Variants in ARMC2 observed in about 807,000 individuals in gnomAD.
ARMC2 encodes armadillo repeat containing 2.
Under a neutral mutation model 90.3 loss-of-function variants are expected in ARMC2, and 67 were observed. That is an observed-to-expected ratio of 0.74 (90% CI 0.61 to 0.91). The LOEUF (loss-of-function observed/expected upper bound fraction) is 0.91, where lower values mean the gene tolerates loss of function less well. Ranked by LOEUF, ARMC2 falls within the 40% of genes least tolerant of loss-of-function variation. The pLI is 0.00. For synonymous variants in ARMC2, 393 were observed against 393.0 expected (o/e 1.00, Z 0.00); for missense variants, 920 against 1,030.9 (o/e 0.89, Z 1.47).
At chr6:109,045,966 C>T in the ARMC2 span, among the ~76,000 whole-genome samples, 15,238 of 152,154 alleles carry the variant, frequency 0.1, 929 homozygotes, top group Middle Eastern at 0.2. Flanking sequence ...CTGAAAAAAG[C>T]GTATTCTGTC....
the ARMC2 span, among the ~76,000 whole-genome samples, chr6:109,018,187 T>C: frequency 2.6e-5 from 4 of 152,254 alleles, no homozygotes; most frequent in Admixed American, 1.3e-4. Context: ...AGAGATATTA[T>C]AAAATATTAG....
chr6:108,919,174 G>A (rs1180532002), intron 10 of ARMC2, among the ~76,000 whole-genome samples: 1 of 152,112 alleles, frequency 6.6e-6, no homozygotes, highest in Non-Finnish European at 1.5e-5. Context: ...ATCAAGCAGT[G>A]ACTTAAGTTA....
chr6:108,950,936 C>G (rs921469698), intron 12 of ARMC2, among the ~76,000 whole-genome samples: 1 of 152,180 alleles, frequency 6.6e-6, no homozygotes, highest in Non-Finnish European at 1.5e-5. Flanking sequence ...TTTCAAAACT[C>G]TGGTGAGACT....
chr6:108,988,908 C>T, the ARMC2 span, among the ~76,000 whole-genome samples: 9 of 152,016 alleles, frequency 5.9e-5, no homozygotes, highest in Non-Finnish European at 1.2e-4. Context: ...TTTTCTACTA[C>T]CCAAGTAAAT....
At chr6:109,014,199 T>G in the ARMC2 span, among the ~76,000 whole-genome samples, 4 of 152,256 alleles carry the variant, frequency 2.6e-5, no homozygotes, top group African/African-American at 7.2e-5. Context: ...TTCCAAGAAG[T>G]GTCAGTGGTT....
In ARMC2 at chr6:108,953,203, G is replaced by A; in HGVS notation, c.1767G>A (p.Glu589=). 2 of 1,614,018 alleles carry A rather than the reference G, an allele frequency of 1.2e-6. No individual in the cohort carries two copies. Among genetic ancestry groups the A allele is most frequent in the Non-Finnish European group, 1.7e-6 (2 of 1,179,910 alleles). The change falls in exon 13 of 18, where the codon GAG becomes GAA. Residue 589 remains glutamate (E), a synonymous_variant. Transcript: ENST00000392644. The part of the protein sequence containing the change: ...HSQKPVGQRG[E]QHRAQRPPSE... ...AGAAGCCGGTGGGCCAACGAGGCGA[G>A]CAGCACAGGGCGCAGAGGCCGCCGT...
intron 4 of ARMC2, 69 bp downstream of exon 4, chr6:108,869,064 A>G (rs2806362): frequency 2.1e-6 from 3 of 1,450,876 alleles, no homozygotes; most frequent in Admixed American, 2.5e-5. Context: ...ACAAAAGCTA[A>G]TTTTATATGA....
chr6:108,871,498 TC>T (rs1414683290), intron 4 of ARMC2, among the ~76,000 whole-genome samples: 1 of 152,154 alleles, frequency 6.6e-6, no homozygotes, highest in Non-Finnish European at 1.5e-5. Context: ...GAAGGGCACT[TC>T]TTATGAACAG....
chr6:108,946,897 G>C (rs1280338722), intron 12 of ARMC2, among the ~76,000 whole-genome samples: 2 of 152,220 alleles, frequency 1.3e-5, no homozygotes, highest in Non-Finnish European at 2.9e-5. Context: ...GGGTGTGGGA[G>C]TCGGGGAGGA....
At chr6:108,936,059 G>T (rs1775931189) in intron 11 of ARMC2, among the ~76,000 whole-genome samples, 1 of 152,078 alleles carries the variant, frequency 6.6e-6, no homozygotes, top group Non-Finnish European at 1.5e-5. Flanking sequence ...CTCCTGATTT[G>T]TTGTGGGTTT....
At chr6:108,906,248 A>G (rs1482884999) in intron 8 of ARMC2, among the ~76,000 whole-genome samples, 1 of 152,166 alleles carries the variant, frequency 6.6e-6, no homozygotes, top group Non-Finnish European at 1.5e-5. Flanking sequence ...TACAGTATGA[A>G]TGTGACTATA....
chr6:109,050,947 T>C, the ARMC2 span, among the ~76,000 whole-genome samples: 1 of 152,144 alleles, frequency 6.6e-6, no homozygotes, highest in African/African-American at 2.4e-5. Context: ...TCCATAGAAA[T>C]AATATTATGA....
At chr6:109,023,685 T>C in the ARMC2 span, among the ~76,000 whole-genome samples, 2 of 152,204 alleles carry the variant, frequency 1.3e-5, no homozygotes, top group South Asian at 2.1e-4. Context: ...ATTTTCATTA[T>C]GTTACAGGCT....
At chr6:108,955,835 C>T (rs1398090084) in intron 13 of ARMC2, among the ~76,000 whole-genome samples, 2 of 152,244 alleles carry the variant, frequency 1.3e-5, no homozygotes, top group African/African-American at 4.8e-5. Flanking sequence ...TTCCTGAGAT[C>T]CACTCACCAC....
chr6:108,941,561 A>G (rs1176829901), intron 12 of ARMC2, among the ~76,000 whole-genome samples: 1 of 152,244 alleles, frequency 6.6e-6, no homozygotes, highest in African/African-American at 2.4e-5. Context: ...ATTTGGTTAG[A>G]TACCAGACAC....
At chr6:108,948,427 A>T (rs771589627) in intron 12 of ARMC2, among the ~76,000 whole-genome samples, 1 of 152,004 alleles carries the variant, frequency 6.6e-6, no homozygotes, top group Non-Finnish European at 1.5e-5. Context: ...ATATTTAAGA[A>T]GGGAGGGGAA....
intron 7 of ARMC2, among the ~76,000 whole-genome samples, chr6:108,900,990 C>T (rs9384695): frequency 6.7e-6 from 1 of 149,628 alleles, no homozygotes; most frequent in African/African-American, 2.5e-5. Context: ...AACAATGAGT[C>T]TGGATAAGGG....
At chr6:108,926,921 C>CT (rs34646224) in intron 10 of ARMC2, among the ~76,000 whole-genome samples, 50,756 of 137,824 alleles carry the variant, frequency 0.37, 9,424 homozygotes, top group Admixed American at 0.42. Flanking sequence ...TTATTTGAAG[C>CT]TTTTTTTTTT....
At chr6:108,997,276 T>C in the ARMC2 span, among the ~76,000 whole-genome samples, 1 of 152,358 alleles carries the variant, frequency 6.6e-6, no homozygotes, top group South Asian at 2.1e-4. Flanking sequence ...CAAGTACTTT[T>C]TTCTTTAGCC....
Sources: gnomAD v4.1 joint callset for allele counts (sites outside exome capture counted in the v4.1 genomes callset) on GRCh38, gnomAD v4.1.1 for gene constraint, MANE v1.5 for transcripts, NCBI Gene and HGNC (gene_info 2026-07-23, HGNC 2026-07-21) for gene names.